Variants in PPP3CA observed in about 807,000 individuals in gnomAD.
PPP3CA encodes CAM-PRP catalytic subunit.
A neutral mutation model predicts 66.5 loss-of-function variants in PPP3CA; 14 were observed. The observed-to-expected ratio is 0.21, with a 90% CI of 0.14 to 0.33. The LOEUF is 0.33. Among genes scored for constraint, PPP3CA ranks in the 10% least tolerant of loss-of-function variants. The pLI is 1.00. For synonymous variants in PPP3CA, 232 were observed against 226.2 expected, an observed-to-expected ratio of 1.03 and a Z score of -0.23; for missense variants, 317 against 639.5, an observed-to-expected ratio of 0.50 and a Z score of 5.44.
chr4:101,302,591 C>T (rs558380779), intron 1 of PPP3CA, among the ~76,000 whole-genome samples: 4 of 152,258 alleles, frequency 2.6e-5, no homozygotes, highest in South Asian at 2.1e-4. Flanking sequence ...AGTGCAAAGG[C>T]GCAATCTCAG....
chr4:101,330,219 A>G (rs1333046273), intron 1 of PPP3CA: 2 of 417,054 alleles, frequency 4.8e-6, no homozygotes, highest in Non-Finnish European at 9.4e-6. Context: ...GTAACTGCAT[A>G]TGTGGTAGAA....
chr4:101,144,300 A>AAAGTACTT (rs1402620758), intron 2 of PPP3CA, among the ~76,000 whole-genome samples: 1 of 152,226 alleles, frequency 6.6e-6, no homozygotes, highest in Non-Finnish European at 1.5e-5. Flanking sequence ...CTAAAAGCTT[A>AAAGTACTT]AAGTACTTAT....
At chr4:101,128,161 A>T (rs955649672) in intron 2 of PPP3CA, among the ~76,000 whole-genome samples, 7 of 152,200 alleles carry the variant, frequency 4.6e-5, no homozygotes, top group African/African-American at 1.7e-4. Flanking sequence ...TAACATAAAA[A>T]TCCTTCTCAA....
chr4:101,032,511 A>ATACTT (rs780294734), intron 11 of PPP3CA, 147 bp from the exon 12 acceptor site: 20 of 647,734 alleles, frequency 3.1e-5, no homozygotes, highest in East Asian at 5.5e-5. Flanking sequence ...TTTTTTTAAC[A>ATACTT]TACTTTATTT....
chr4:101,300,715 C>A (rs1232794006), intron 1 of PPP3CA, among the ~76,000 whole-genome samples: 3 of 152,118 alleles, frequency 2.0e-5, no homozygotes, highest in South Asian at 4.1e-4. Flanking sequence ...AAGAATCGCT[C>A]TGCCGGGAGG....
chr4:101,240,215 T>C (rs1003103239), intron 1 of PPP3CA, among the ~76,000 whole-genome samples: 15 of 152,120 alleles, frequency 9.9e-5, no homozygotes, highest in African/African-American at 3.6e-4. Flanking sequence ...GATTGTGAGT[T>C]CTCTGAGGAT....
chr4:101,215,215 T>A (rs574393745), intron 1 of PPP3CA, among the ~76,000 whole-genome samples: 1 of 152,048 alleles, frequency 6.6e-6, no homozygotes, highest in African/African-American at 2.4e-5. Context: ...AAATGTAGTA[T>A]GTGCGTTGAA....
chr4:101,038,435 T>C (rs1727356277), intron 11 of PPP3CA, among the ~76,000 whole-genome samples: 2 of 151,672 alleles, frequency 1.3e-5, no homozygotes, highest in Admixed American at 6.6e-5. Flanking sequence ...AGTGGCGCGA[T>C]CTCGGCTTAC....
At chr4:101,317,221 T>A (rs930044380) in intron 1 of PPP3CA, among the ~76,000 whole-genome samples, 7 of 149,642 alleles carry the variant, frequency 4.7e-5, no homozygotes, top group Admixed American at 2.0e-4. Context: ...CCCTTCAACA[T>A]GGTCTTGGAG....
At chr4:101,036,328 C>A (rs550365105) in intron 11 of PPP3CA, among the ~76,000 whole-genome samples, 181 of 152,214 alleles carry the variant, frequency 1.2e-3, no homozygotes, top group Non-Finnish European at 2.2e-3. Context: ...TCACTTTTCA[C>A]GCTATCCTTT....
chr4:101,175,580 C>T (rs1016908567), intron 2 of PPP3CA, among the ~76,000 whole-genome samples: 1 of 152,112 alleles, frequency 6.6e-6, no homozygotes. Context: ...AAAGGAGCAT[C>T]TAAGGAGTCC....
chr4:101,068,892 T>A (rs1328939091), intron 8 of PPP3CA, among the ~76,000 whole-genome samples: 1 of 152,216 alleles, frequency 6.6e-6, no homozygotes, highest in Non-Finnish European at 1.5e-5. Flanking sequence ...AAGTCACTTA[T>A]GAAGATAGAC....
At chr4:101,282,544 AG>A (rs1727718689) in intron 1 of PPP3CA, among the ~76,000 whole-genome samples, 3 of 152,192 alleles carry the variant, frequency 2.0e-5, no homozygotes, top group Admixed American at 2.0e-4. Flanking sequence ...TCCTGTGTCA[AG>A]GTAGTGTTTG....
intron 2 of PPP3CA, among the ~76,000 whole-genome samples, chr4:101,111,206 A>T (rs965349405): frequency 6.6e-6 from 1 of 152,210 alleles, no homozygotes; most frequent in African/African-American, 2.4e-5. Flanking sequence ...AAATTACAAA[A>T]CAGAAAATAT....
At chr4:101,274,478 A>G (rs1727429996) in intron 1 of PPP3CA, among the ~76,000 whole-genome samples, 1 of 152,210 alleles carries the variant, frequency 6.6e-6, no homozygotes, top group African/African-American at 2.4e-5. Context: ...TTAATCAGAT[A>G]AAAGATCTGT....
chr4:101,219,469 T>C (rs1338696127), intron 1 of PPP3CA, among the ~76,000 whole-genome samples: 1 of 151,952 alleles, frequency 6.6e-6, no homozygotes, highest in Non-Finnish European at 1.5e-5. Context: ...TAAAAATAAC[T>C]AGATTTTGAT....
intron 1 of PPP3CA, 133 bp from the exon 2 acceptor site, chr4:101,196,249 G>T: frequency 1.3e-6 from 1 of 793,972 alleles, no homozygotes; most frequent in Non-Finnish European, 1.9e-6. Flanking sequence ...ATTAAAATAT[G>T]ATCAAGGGCT....
chr4:101,310,977 C>T (rs1184065227), intron 1 of PPP3CA, among the ~76,000 whole-genome samples: 1 of 151,896 alleles, frequency 6.6e-6, no homozygotes, highest in African/African-American at 2.4e-5. Context: ...ATTTTTGAAG[C>T]AAAAAATAAA....
chr4:101,179,736 T>G lies in PPP3CA; in HGVS notation c.259+16180A>C, dbSNP rs1402062718. On this transcript the variant is annotated intron_variant, in intron 2 of 13. Coordinates refer to ENST00000394854, the MANE Select transcript of PPP3CA (RefSeq NM_000944.5). ...TTAATAAATACAAATTCTAAAAATATTTTAAAATATTTGAATCAAGATAAT... is the reference window on the plus strand; with the variant it reads ...TTAATAAATACAAATTCTAAAAATAGTTTAAAATATTTGAATCAAGATAAT... Among the ~76,000 whole-genome samples, 3 of 152,142 alleles carry G rather than the reference T, an allele frequency of 2.0e-5. No individual in the cohort carries two copies. The East Asian group carries it at 5.8e-4, about 29-fold the overall frequency.
Sources: allele counts gnomAD v4.1 joint callset (sites outside exome capture counted in the v4.1 genomes callset), GRCh38; gene constraint gnomAD v4.1.1; transcripts MANE v1.5; gene names NCBI Gene and HGNC (gene_info 2026-07-23, HGNC 2026-07-21).